Variants in ATAD2B observed in about 807,000 individuals in gnomAD.
ATAD2B encodes the protein ATPase family AAA domain containing 2B.
In ATAD2B, 40 loss-of-function variants were observed where a neutral mutation model predicts 167.6. That is an observed-to-expected ratio of 0.24 (90% CI 0.19 to 0.31). ATAD2B has a LOEUF of 0.31. Among genes scored for constraint, ATAD2B ranks in the 10% least tolerant of loss-of-function variants. The probability of loss-of-function intolerance (pLI) is 1.00; values close to 1 mark genes in which losing one functional copy is unlikely to be tolerated. For missense variants in ATAD2B, 1,242 were observed against 1,757.2 expected (o/e 0.71, Z 5.24); for synonymous variants, 579 against 596.5 (o/e 0.97, Z 0.43).
the ATAD2B span, among the ~76,000 whole-genome samples, chr2:23,706,328 GCCC>G: frequency 4.0e-5 from 6 of 151,834 alleles, no homozygotes; most frequent in African/African-American, 1.5e-4. Context: ...TCTTATGCCA[GCCC>G]AGGTTAGAGG....
chr2:23,886,002 T>C lies in ATAD2B; in HGVS notation c.573-173A>G, dbSNP rs188246220. On this transcript the variant is annotated intron_variant, in intron 4 of 27. Transcript: ENST00000238789. ...CTCTGTCACCCAGGCTGGAGTGCAGTGGCCTGTTCATGGCTCACTGCAGCC... is the reference window on the plus strand; with the variant it reads ...CTCTGTCACCCAGGCTGGAGTGCAGCGGCCTGTTCATGGCTCACTGCAGCC... Among the ~76,000 whole-genome samples, 303 of 152,272 alleles carry C rather than the reference T, an allele frequency of 2.0e-3. 1 individual carries two copies. The highest frequency in any genetic ancestry group is 7.1e-3 in the African/African-American group (293 of 41,560).
chr2:23,712,797 A>C, the ATAD2B span, among the ~76,000 whole-genome samples: 1 of 152,206 alleles, frequency 6.6e-6, no homozygotes, highest in African/African-American at 2.4e-5. Flanking sequence ...AGACTCCAAG[A>C]ATGTGTGTTC....
At chr2:23,905,927 T>C (rs1573375290) in intron 1 of ATAD2B, among the ~76,000 whole-genome samples, 1 of 152,218 alleles carries the variant, frequency 6.6e-6, no homozygotes, top group Admixed American at 6.5e-5. Flanking sequence ...ATAGTGCTGA[T>C]AGTATTGGGG....
chr2:23,703,358 T>G, the ATAD2B span: 3 of 1,516,798 alleles, frequency 2.0e-6, no homozygotes, highest in Non-Finnish European at 2.6e-6. Flanking sequence ...CACGTGGAGC[T>G]TCATCGAGTC....
intron 2 of ATAD2B, among the ~76,000 whole-genome samples, chr2:23,895,080 T>C (rs574966567): frequency 2.1e-4 from 32 of 152,292 alleles, no homozygotes; most frequent in African/African-American, 6.7e-4. Context: ...CTTTTACTTC[T>C]GTTCAGTCAC....
chr2:23,883,984 A>C (rs1462496208), intron 6 of ATAD2B, among the ~76,000 whole-genome samples: 1 of 152,118 alleles, frequency 6.6e-6, no homozygotes, highest in Non-Finnish European at 1.5e-5. Context: ...TCTCTACTAA[A>C]AATACAAAAA....
chr2:23,759,226 G>T (rs1248239647), intron 24 of ATAD2B, among the ~76,000 whole-genome samples: 1 of 151,956 alleles, frequency 6.6e-6, no homozygotes, highest in Non-Finnish European at 1.5e-5. Flanking sequence ...CTGTGGTTAT[G>T]AACATAATAA....
chr2:23,926,874 G>A lies in ATAD2B; in HGVS notation c.-104C>T, dbSNP rs534481700. ...CCAGCGGAGCCGAGCCGGGCAATGA[G>A]AGACGAGCCGGCCCGGAGCGTGCGG... is the stretch of plus-strand genomic sequence containing the variant. On this transcript the variant is annotated 5_prime_UTR_variant, in exon 1 of 28. Coordinates refer to ENST00000238789, the MANE Select transcript of ATAD2B (RefSeq NM_017552.4). The A allele has an allele frequency of 1.2e-4, 168 of 1,351,020 alleles. No homozygotes were observed. In the East Asian group the frequency reaches 4.4e-3, roughly 35 times the overall value. The allele number at this position is 1,351,020 out of a possible 1,614,324, so 83.7% of individuals were successfully genotyped here.
At chr2:23,892,173 C>G (rs1449432225) in intron 2 of ATAD2B, among the ~76,000 whole-genome samples, 2 of 151,706 alleles carry the variant, frequency 1.3e-5, no homozygotes, top group African/African-American at 4.8e-5. Context: ...TCTTTTTTTT[C>G]TTTTTCTTGA....
chr2:23,837,243 C>T (rs1003804971), intron 13 of ATAD2B, among the ~76,000 whole-genome samples: 59 of 152,210 alleles, frequency 3.9e-4, no homozygotes, highest in African/African-American at 1.3e-3. Flanking sequence ...AGGCTTGGCC[C>T]CAATCTTGCT....
Position 23,758,037 on chromosome 2 carries a change from T to C in ATAD2B, c.3459A>G (p.Lys1153=). The C allele has an allele frequency of 6.2e-7, 1 of 1,607,336 alleles. No individual in the cohort carries two copies. The highest frequency in any genetic ancestry group is 2.2e-5 in the East Asian group (1 of 44,840). ...CTTCATCTTTTTTTAAATTATTAACTTTCCTTTTCTTAATAATTCCTTTAC... is the reference window on the plus strand; with the variant it reads ...CTTCATCTTTTTTTAAATTATTAACCTTCCTTTTCTTAATAATTCCTTTAC... ...QWGKGIIKKR[K]VNNLKKDEED... Residue 1153 remains lysine, a synonymous_variant, in exon 25 of 28, where the codon AAA becomes AAG. Coordinates refer to ENST00000238789, the MANE Select transcript of ATAD2B (RefSeq NM_017552.4).
At chr2:23,814,400 G>A (rs867316474) in intron 17 of ATAD2B, among the ~76,000 whole-genome samples, 1 of 152,118 alleles carries the variant, frequency 6.6e-6, no homozygotes, top group African/African-American at 2.4e-5. Flanking sequence ...AATTACCATA[G>A]TTCAATGTGA....
At chr2:23,861,900 T>C (rs1694426099) in intron 12 of ATAD2B, among the ~76,000 whole-genome samples, 1 of 152,210 alleles carries the variant, frequency 6.6e-6, no homozygotes, top group African/African-American at 2.4e-5. Context: ...ATACTATTAA[T>C]AATTTTAAAA....
At chr2:23,775,190 T>A (rs570215688) in intron 22 of ATAD2B, among the ~76,000 whole-genome samples, 1 of 151,718 alleles carries the variant, frequency 6.6e-6, no homozygotes, top group East Asian at 1.9e-4. Context: ...CCCTGAAGGG[T>A]AGGTAAATTT....
At chr2:23,887,667 A>G (rs1056071876) in intron 4 of ATAD2B, among the ~76,000 whole-genome samples, 165 bp downstream of exon 4, 1 of 152,214 alleles carries the variant, frequency 6.6e-6, no homozygotes, top group African/African-American at 2.4e-5. Context: ...GTCTCAAAAC[A>G]TCTTCAATTC....
the ATAD2B span, among the ~76,000 whole-genome samples, chr2:23,683,924 G>A: frequency 6.6e-6 from 1 of 152,202 alleles, no homozygotes; most frequent in Non-Finnish European, 1.5e-5. Flanking sequence ...TGTTTTTGCA[G>A]GTTTTGTGGT....
At chr2:23,820,287 G>C (rs1397958354) in intron 16 of ATAD2B, among the ~76,000 whole-genome samples, 1 of 152,128 alleles carries the variant, frequency 6.6e-6, no homozygotes, top group Admixed American at 6.5e-5. Context: ...TCTTATAAAA[G>C]CAACAAGGAA....
the ATAD2B span, among the ~76,000 whole-genome samples, chr2:23,714,805 A>G: frequency 6.6e-6 from 1 of 151,786 alleles, no homozygotes; most frequent in African/African-American, 2.4e-5. Flanking sequence ...CAGTGAGCCA[A>G]GATCGCACCA....
At chr2:23,867,697 T>C in intron 10 of ATAD2B, 138 bp downstream of exon 10, 1 of 612,204 alleles carries the variant, frequency 1.6e-6, no homozygotes, top group South Asian at 2.1e-5. Flanking sequence ...GCTAGGGTTC[T>C]TAGGTTTCAA....
Sources: gnomAD v4.1 joint callset for allele counts (sites outside exome capture counted in the v4.1 genomes callset) on GRCh38, gnomAD v4.1.1 for gene constraint, MANE v1.5 for transcripts, NCBI Gene and HGNC (gene_info 2026-07-23, HGNC 2026-07-21) for gene names.